Variants in PSPC1 observed in about 807,000 individuals in gnomAD.
PSPC1 encodes the protein paraspeckle component 1.
PSPC1 carries 14 observed loss-of-function variants against 51.6 expected under a neutral mutation model. The ratio of observed to expected loss-of-function variants is 0.27; its 90% CI spans 0.18 to 0.42. The LOEUF (loss-of-function observed/expected upper bound fraction) is 0.42, where lower values mean the gene tolerates loss of function less well. Among genes scored for constraint, PSPC1 ranks in the 10% least tolerant of loss-of-function variants. The pLI is 1.00. For missense variants in PSPC1, 406 were observed against 701.1 expected (o/e 0.58, Z 4.75); for synonymous variants, 193 against 231.9 (o/e 0.83, Z 1.53).
At chr13:19,746,238 C>T (rs1471266557) in intron 4 of PSPC1, among the ~76,000 whole-genome samples, 1 of 151,590 alleles carries the variant, frequency 6.6e-6, no homozygotes, top group Non-Finnish European at 1.5e-5. Flanking sequence ...CCCATCTCTA[C>T]TACTAATACA....
chr13:19,723,716 CTT>C (rs1883044373), intron 6 of PSPC1, among the ~76,000 whole-genome samples: 1 of 152,132 alleles, frequency 6.6e-6, no homozygotes, highest in African/African-American at 2.4e-5. Flanking sequence ...ACATTACAAA[CTT>C]ATATATATGT....
intron 3 of PSPC1, among the ~76,000 whole-genome samples, chr13:19,755,794 T>G (rs1051809369): frequency 2.0e-5 from 3 of 152,140 alleles, no homozygotes; most frequent in African/African-American, 7.2e-5. Flanking sequence ...GGTTCAAGGT[T>G]TGGTCCTTTG....
intron 6 of PSPC1, among the ~76,000 whole-genome samples, chr13:19,712,734 C>A (rs2137795958): frequency 6.6e-6 from 1 of 152,046 alleles, no homozygotes; most frequent in South Asian, 2.1e-4. Context: ...CACATTACAG[C>A]ATTTTTCACT....
chr13:19,677,775 A>G (rs1420290242), exon 7 of PSPC1: 1 of 487,252 alleles, frequency 2.1e-6, no homozygotes, highest in Non-Finnish European at 4.1e-6. Flanking sequence ...TCTGAATTAC[A>G]CTGCAAGCTG....
At chr13:19,688,955 A>G (rs1253419554) in intron 6 of PSPC1, among the ~76,000 whole-genome samples, 1 of 60,642 alleles carries the variant, frequency 1.6e-5, no homozygotes, top group African/African-American at 3.3e-5. Context: ...ATGGTGTGAT[A>G]AACTCTTAAA....
chr13:19,685,420 T>C (rs1256697217), intron 6 of PSPC1, among the ~76,000 whole-genome samples: 1 of 152,254 alleles, frequency 6.6e-6, no homozygotes, highest in South Asian at 2.1e-4. Flanking sequence ...CCTATTTTGA[T>C]TCGGCTAATA....
At chr13:19,726,238 A>ACTC (rs1883348123) in intron 6 of PSPC1, among the ~76,000 whole-genome samples, 1 of 151,790 alleles carries the variant, frequency 6.6e-6, no homozygotes, top group African/African-American at 2.4e-5. Context: ...TTCCACTAAC[A>ACTC]CTCCCAGGAT....
In PSPC1 at chr13:19,777,361, C is replaced by T. The variant is rs375408226; in HGVS notation, c.373-4818G>A. Among the ~76,000 whole-genome samples the T allele has an allele frequency of 3.7e-4, 46 of 122,872 alleles. No individual in the cohort carries two copies. In the South Asian group the frequency reaches 0.012, roughly 32 times the overall value. The allele number at this position is 122,872 out of a possible 152,430, so 80.6% of individuals were successfully genotyped here. The stretch of plus-strand genomic sequence containing the variant: ...AGGAGAATCGCTTTAGTCCAGGAGG[C>T]GGGGGTTGCAGTGAGCCAAGATCAC... On this transcript the variant is annotated intron_variant, in intron 1 of 8. Transcript: ENST00000338910.
At chr13:19,776,272 G>A (rs1204196390) in intron 1 of PSPC1, among the ~76,000 whole-genome samples, 1 of 152,148 alleles carries the variant, frequency 6.6e-6, no homozygotes, top group African/African-American at 2.4e-5. Flanking sequence ...ACCTGCCTGG[G>A]CAACATAATG....
chr13:19,709,678 G>A, intron 6 of PSPC1, 79 bp from the exon 7 acceptor site: 3 of 1,166,826 alleles, frequency 2.6e-6, no homozygotes, highest in Non-Finnish European at 2.5e-6. Flanking sequence ...AAAAAGAAAA[G>A]AGTGAATTGG....
chr13:19,731,253 G>GA (rs1566002887), intron 5 of PSPC1, among the ~76,000 whole-genome samples: 1 of 152,058 alleles, frequency 6.6e-6, no homozygotes. Context: ...CTTTTAAGAG[G>GA]AAAAATCTAT....
At chr13:19,780,217 A>C in intron 1 of PSPC1, among the ~76,000 whole-genome samples, 1 of 101,390 alleles carries the variant, frequency 9.9e-6, no homozygotes, top group South Asian at 3.9e-4. Flanking sequence ...CCGGCCAGCC[A>C]CCCCGTCCGG....
At chr13:19,695,045 G>T (rs536206624) in intron 6 of PSPC1, among the ~76,000 whole-genome samples, 2 of 152,336 alleles carry the variant, frequency 1.3e-5, no homozygotes, top group African/African-American at 4.8e-5. Flanking sequence ...TAGGAAGTCA[G>T]TATGTAACTA....
intron 5 of PSPC1, among the ~76,000 whole-genome samples, chr13:19,740,199 C>T (rs1267479341): frequency 6.6e-6 from 1 of 151,970 alleles, no homozygotes; most frequent in Non-Finnish European, 1.5e-5. Context: ...CAAAATTAGC[C>T]GAGCATGGTG....
At chr13:19,687,399 T>C (rs933018159) in intron 6 of PSPC1, among the ~76,000 whole-genome samples, 7 of 152,078 alleles carry the variant, frequency 4.6e-5, no homozygotes, top group Non-Finnish European at 1.0e-4. Context: ...GTACAGAGGG[T>C]ATCTCAGCCC....
chr13:19,675,226 G>A (rs904809847), intron 7 of PSPC1: 1 of 152,292 alleles, frequency 6.6e-6, no homozygotes, highest in Admixed American at 6.5e-5. Context: ...AATTTTGAGA[G>A]TTGACCCAAA....
Position 19,777,415 on chromosome 13 carries a change from G to A in PSPC1, c.373-4872C>T, listed in dbSNP as rs1889271491. On this transcript the variant is annotated intron_variant, in intron 1 of 8. Coordinates refer to ENST00000338910, the MANE Select transcript of PSPC1 (RefSeq NM_001354909.2). ...GCTGCACTCCAGCCTGGGCGACACAGCAAGACCTCAGCTCAAAAAAAAAAA... is the reference window on the plus strand; with the variant it reads ...GCTGCACTCCAGCCTGGGCGACACAACAAGACCTCAGCTCAAAAAAAAAAA... 2.6e-5 allele frequency among the ~76,000 whole-genome samples: 3 copies of A among 114,370 alleles called. No individual in the cohort carries two copies. In the South Asian group the frequency reaches 8.3e-4, roughly 32 times the overall value. 75.0% of individuals were successfully genotyped at this position (114,370 alleles called of 152,430 possible).
chr13:19,763,445 A>T (rs895784354), intron 2 of PSPC1, among the ~76,000 whole-genome samples: 1 of 152,152 alleles, frequency 6.6e-6, no homozygotes, highest in Non-Finnish European at 1.5e-5. Flanking sequence ...TTTTCTCCCC[A>T]TTTTACCACC....
At chr13:19,695,932 G>A (rs546264284) in intron 6 of PSPC1, among the ~76,000 whole-genome samples, 1 of 152,086 alleles carries the variant, frequency 6.6e-6, no homozygotes, top group East Asian at 1.9e-4. Context: ...CTCTCATTAG[G>A]CTGCCTGAGA....
Sources: gnomAD v4.1 joint callset for allele counts (sites outside exome capture counted in the v4.1 genomes callset) on GRCh38, gnomAD v4.1.1 for gene constraint, MANE v1.5 for transcripts, NCBI Gene and HGNC (gene_info 2026-07-23, HGNC 2026-07-21) for gene names.